The following PGM2 variants were observed in gnomAD, a reference collection of about 807,000 sequenced individuals.
PGM2 encodes phosphopentomutase.
PGM2 carries 57 observed loss-of-function variants against 74.6 expected under a neutral mutation model. The ratio of observed to expected loss-of-function variants is 0.76; its 90% confidence interval spans 0.62 to 0.95. PGM2 has a LOEUF of 0.95. PGM2 is among the 40% of genes least tolerant of loss of function. The pLI is 0.00. For missense variants in PGM2, 706 were observed against 741.9 expected (o/e 0.95, Z 0.56); for synonymous variants, 273 against 260.7 (o/e 1.05, Z -0.46).
At chr4:37,835,304 C>T (rs1725540639) in intron 3 of PGM2, among the ~76,000 whole-genome samples, 1 of 152,132 alleles carries the variant, frequency 6.6e-6, no homozygotes, top group African/African-American at 2.4e-5. Flanking sequence ...AGCCTAAGGA[C>T]ACTAGTACCA....
chr4:37,850,225 A>G lies in PGM2; in HGVS notation c.1454A>G (p.His485Arg), dbSNP rs919140738. ...HITKASYFIC[H>R]DQETIKKLFE... ...ACTAAAGCTTCCTATTTTATCTGCC[A>G]TGATCAAGAAACCATTAAGAAATTA... The change falls in exon 12 of 14, where the codon CAT (histidine) becomes CGT (arginine). Residue 485 changes from histidine to arginine, a missense_variant. By Grantham distance (29) the His-to-Arg change is conservative (BLOSUM62 0). This residue lies in a region of PGM2 where 359 missense variants were observed against 371.1 expected (regional missense o/e 0.97). Coordinates refer to ENST00000381967, the MANE Select transcript of PGM2 (RefSeq NM_018290.4). The G allele has an allele frequency of 1.9e-6, 3 of 1,580,770 alleles. No homozygotes were observed. The highest frequency in any genetic ancestry group is 1.4e-5 in the African/African-American group (1 of 72,616).
chr4:37,854,474 C>T (rs1726136850), intron 12 of PGM2, among the ~76,000 whole-genome samples: 1 of 152,092 alleles, frequency 6.6e-6, no homozygotes, highest in African/African-American at 2.4e-5. Flanking sequence ...CATCAGCTTC[C>T]TGAGTAGCTG....
Position 37,847,210 on chromosome 4 carries a change from A to G in PGM2, c.1197A>G (p.Leu399=). 6.2e-7 allele frequency: 1 copy of G among 1,613,384 alleles called. No homozygotes were observed. The highest frequency in any genetic ancestry group is 8.5e-7 in the Non-Finnish European group (1 of 1,179,298). Residue 399 remains leucine (L), a synonymous_variant, in exon 10 of 14, where the codon TTA becomes TTG. Coordinates refer to ENST00000381967, the MANE Select transcript of PGM2 (RefSeq NM_018290.4). ...TTGGATTATCCCTTTAGGAAACATT[A>G]ACTGGCTTTAAGTGGATGGGAAACA... ...LKEGFHFEET[L]TGFKWMGNRA...
chr4:37,847,215 G>A lies in PGM2; in HGVS notation c.1202G>A (p.Gly401Asp). 6.2e-7 allele frequency: 1 copy of A among 1,613,496 alleles called. No individual in the cohort carries two copies. Among genetic ancestry groups the A allele is most frequent in the Non-Finnish European group, 8.5e-7 (1 of 1,179,480 alleles). ...EGFHFEETLTGFKWMGNRAKQ... is the reference protein window; with the variant it reads ...EGFHFEETLTDFKWMGNRAKQ... ...TTATCCCTTTAGGAAACATTAACTG[G>A]CTTTAAGTGGATGGGAAACAGAGCC... is the stretch of plus-strand genomic sequence containing the variant. The change falls in exon 10 of 14, where the codon GGC (glycine) becomes GAC (aspartate). Residue 401 changes from glycine to aspartate, a missense_variant. Around this residue, in one of 3 missense-constraint regions of PGM2, gnomAD observed 359 missense variants for 371.1 expected, o/e 0.97. Coordinates refer to ENST00000381967, the MANE Select transcript of PGM2 (RefSeq NM_018290.4).
chr4:37,855,864 G>A (rs1726179525), intron 13 of PGM2, 123 bp downstream of exon 13: 2 of 776,088 alleles, frequency 2.6e-6, no homozygotes, highest in Non-Finnish European at 2.0e-6. Context: ...TGCTGTTTCA[G>A]AACCTGCACT....
chr4:37,844,449 G>C lies in PGM2; in HGVS notation c.805G>C (p.Ala269Pro), dbSNP rs1054790208. Residue 269 changes from alanine to proline, a missense_variant, in exon 7 of 14, where the codon GCT becomes CCT. Transcript: ENST00000381967. ...GHSFVQSAFKAFDLVPPEAVP... is the reference protein window; with the variant it reads ...GHSFVQSAFKPFDLVPPEAVP... Reference sequence around the variant, plus strand: ...TAGCTTTGTGCAGTCAGCTTTCAAGGCTTTTGACCTTGTTCCTCCTGAGGC... The same window carrying C: ...TAGCTTTGTGCAGTCAGCTTTCAAGCCTTTTGACCTTGTTCCTCCTGAGGC... 8.7e-6 allele frequency: 14 copies of C among 1,613,592 alleles called. No individual in the cohort carries two copies. Among genetic ancestry groups the C allele is most frequent in the African/African-American group, 1.3e-5 (1 of 74,912 alleles).
At chr4:37,861,424 A>G (rs147430185) in intron 13 of PGM2, 86 bp from the exon 14 acceptor site, 75 of 821,078 alleles carry the variant, frequency 9.1e-5, no homozygotes, top group Middle Eastern at 7.0e-4. Flanking sequence ...TTATATTTTC[A>G]TTGTCACTTG....
At chr4:37,850,956 A>G (rs552467767) in intron 12 of PGM2, among the ~76,000 whole-genome samples, 1 of 136,670 alleles carries the variant, frequency 7.3e-6, no homozygotes, top group African/African-American at 2.8e-5. Context: ...GCACCACTAC[A>G]CTCTAGCCTG....
At chr4:37,855,094 A>T (rs1198864473) in intron 12 of PGM2, among the ~76,000 whole-genome samples, 3 of 152,178 alleles carry the variant, frequency 2.0e-5, no homozygotes, top group African/African-American at 7.2e-5. Flanking sequence ...ATCATTATTA[A>T]CTATAGTCAC....
At chr4:37,831,496 C>T (rs911418390) in intron 2 of PGM2, among the ~76,000 whole-genome samples, 2 of 152,238 alleles carry the variant, frequency 1.3e-5, no homozygotes, top group African/African-American at 4.8e-5. Context: ...CTGCTCCACT[C>T]AGCACCATCT....
intron 10 of PGM2, 126 bp from the exon 11 acceptor site, chr4:37,848,396 G>A (rs1264978435): frequency 6.7e-6 from 5 of 750,436 alleles, no homozygotes; most frequent in Non-Finnish European, 1.1e-5. Context: ...TAAACATAAG[G>A]TATTAATGAG....
intron 12 of PGM2, among the ~76,000 whole-genome samples, chr4:37,854,350 CTTTTT>C (rs1726131081): frequency 6.6e-6 from 1 of 150,454 alleles, no homozygotes; most frequent in Non-Finnish European, 1.5e-5. Context: ...TTTTTTTTCT[CTTTTT>C]CTTTTCTTTT....
chr4:37,841,854 G>A (rs1266607504), intron 6 of PGM2, among the ~76,000 whole-genome samples: 1 of 152,242 alleles, frequency 6.6e-6, no homozygotes, highest in Non-Finnish European at 1.5e-5. Flanking sequence ...GCATGCACGT[G>A]CATGTGTGTG....
At position 37,826,705 on chromosome 4, in the gene PGM2, C is replaced by A; in HGVS notation, c.-28C>A. ...GAAGGCAGATCTCACCGCCTGCTTCCCTCTGCAGCGGTAGCACAAGCTCAG... is the reference window on the plus strand; with the variant it reads ...GAAGGCAGATCTCACCGCCTGCTTCACTCTGCAGCGGTAGCACAAGCTCAG... On this transcript the variant is annotated 5_prime_UTR_variant, in exon 1 of 14. Coordinates refer to ENST00000381967, the MANE Select transcript of PGM2 (RefSeq NM_018290.4). The A allele has an allele frequency of 6.5e-7, 1 of 1,529,374 alleles. No homozygotes were observed. 94.7% of individuals were successfully genotyped at this position (1,529,374 alleles called of 1,614,324 possible).
intron 11 of PGM2, among the ~76,000 whole-genome samples, chr4:37,849,845 G>A (rs1179244847): frequency 2.0e-5 from 3 of 152,010 alleles, no homozygotes; most frequent in Non-Finnish European, 4.4e-5. Flanking sequence ...AGAGTGCAAT[G>A]GCACAATCTT....
chr4:37,829,430 CA>C (rs199989968), intron 1 of PGM2, among the ~76,000 whole-genome samples: 11,139 of 152,014 alleles, frequency 0.073, 737 homozygotes, highest in African/African-American at 0.16. Context: ...TAAAACATTA[CA>C]AAAGTAAGGT....
intron 13 of PGM2, among the ~76,000 whole-genome samples, chr4:37,860,657 G>T (rs1711741555): frequency 6.6e-6 from 1 of 152,196 alleles, no homozygotes; most frequent in South Asian, 2.1e-4. Context: ...ATTAAAGATG[G>T]TATGAAGAGT....
chr4:37,841,190 T>TGTGTGTGTGTGTGGGTGTGTG (rs1491511171), intron 6 of PGM2, among the ~76,000 whole-genome samples: 1 of 83,420 alleles, frequency 1.2e-5, no homozygotes. Flanking sequence ...GTGTGTGTGG[T>TGTGTGTGTGTGTGGGTGTGTG]TTGTTCTGTG....
chr4:37,834,677 C>G lies in PGM2; in HGVS notation c.309C>G (p.Ile103Met). The G allele has an allele frequency of 2.5e-6, 4 of 1,603,490 alleles. No homozygotes were observed. Among genetic ancestry groups the G allele is most frequent in the Non-Finnish European group, 3.4e-6 (4 of 1,171,578 alleles). ...FSDLKQKGIV[I>M]SFDARAHPSS... is the part of the protein sequence containing the mutation. ...ACTTAAAGCAGAAAGGCATCGTGATCAGTTTTGACGCCCGAGCTCATCCAT... is the reference window on the plus strand; with the variant it reads ...ACTTAAAGCAGAAAGGCATCGTGATGAGTTTTGACGCCCGAGCTCATCCAT... Residue 103 changes from isoleucine (I) to methionine (M), a missense_variant, in exon 3 of 14, where the codon ATC becomes ATG. Ile to Met is a conservative substitution (Grantham distance 10, BLOSUM62 1). Coordinates refer to ENST00000381967, the MANE Select transcript of PGM2 (RefSeq NM_018290.4).
Sources: gnomAD v4.1 joint callset for allele counts (sites outside exome capture counted in the v4.1 genomes callset) on GRCh38, gnomAD v4.1.1 for gene constraint, gnomAD v4.1.1 regional missense constraint, MANE v1.5 for transcripts, NCBI Gene and HGNC (gene_info 2026-07-23, HGNC 2026-07-21) for gene names.